Variants in BTBD8 observed in about 807,000 individuals in gnomAD.
BTBD8 encodes the protein BTB domain containing 8, also known as BTB/POZ domain-containing protein 8.
In BTBD8, 110 loss-of-function variants were observed where a neutral mutation model predicts 162.9. The ratio of observed to expected loss-of-function variants is 0.68; its 90% CI spans 0.58 to 0.79. The LOEUF (loss-of-function observed/expected upper bound fraction) is 0.79, where lower values mean the gene tolerates loss of function less well. Ranked by LOEUF, BTBD8 falls within the 30% of genes least tolerant of loss-of-function variation. BTBD8 has a pLI of 0.00. For synonymous variants in BTBD8, 667 were observed against 716.1 expected, an observed-to-expected ratio of 0.93 and a Z score of 1.10; for missense variants, 1,905 against 2,085.4, an observed-to-expected ratio of 0.91 and a Z score of 1.68.
In BTBD8 at chr1:92,180,917, T is replaced by A; in HGVS notation, c.3234T>A (p.Asp1078Glu). The A allele has an allele frequency of 1.3e-6, 2 of 1,551,666 alleles. No individual in the cohort carries two copies. Among genetic ancestry groups the A allele is most frequent in the Non-Finnish European group, 1.7e-6 (2 of 1,146,974 alleles). The change falls in exon 17 of 18, where the codon GAT becomes GAA. Residue 1078 changes from aspartate to glutamate, a missense_variant. Physicochemically the swap from Asp to Glu is conservative, Grantham distance 45. Around this residue, in one of 3 missense-constraint regions of BTBD8, gnomAD observed 1,374 missense variants for 1,442.7 expected, o/e 0.95. Coordinates refer to ENST00000636805, the MANE Select transcript of BTBD8 (RefSeq NM_001376131.1). ...TATGTTGTCATTCTGTTGGGAGTGATAATGTAAATTCAAAATTTTATAGCA... is the reference window on the plus strand; with the variant it reads ...TATGTTGTCATTCTGTTGGGAGTGAAAATGTAAATTCAAAATTTTATAGCA... Reference protein sequence around the residue: ...ANICCHSVGSDNVNSKFYSTT... With the variant: ...ANICCHSVGSENVNSKFYSTT...
chr1:92,154,826 A>G (rs1650122208), intron 9 of BTBD8, among the ~76,000 whole-genome samples: 1 of 152,122 alleles, frequency 6.6e-6, no homozygotes, highest in Non-Finnish European at 1.5e-5. Context: ...TCCTTTTGGT[A>G]TCATATCTGT....
chr1:92,164,810 C>T (rs1361183329), intron 9 of BTBD8, among the ~76,000 whole-genome samples: 1 of 150,866 alleles, frequency 6.6e-6, no homozygotes. Flanking sequence ...TACAGGTGCC[C>T]GCCACCACGC....
intron 2 of BTBD8, among the ~76,000 whole-genome samples, chr1:92,092,485 G>C (rs934539996): frequency 6.6e-6 from 1 of 152,052 alleles, no homozygotes; most frequent in Non-Finnish European, 1.5e-5. Context: ...TGAGGCGATG[G>C]TGTCTGGAAG....
intron 4 of BTBD8, among the ~76,000 whole-genome samples, chr1:92,120,576 C>T (rs958521325): frequency 6.6e-6 from 1 of 152,180 alleles, no homozygotes; most frequent in Non-Finnish European, 1.5e-5. Flanking sequence ...GACTTTTATA[C>T]AGCTGGCAGC....
At chr1:92,103,064 C>A (rs1013561750) in intron 3 of BTBD8, among the ~76,000 whole-genome samples, 6 of 151,938 alleles carry the variant, frequency 3.9e-5, no homozygotes, top group Non-Finnish European at 8.8e-5. Flanking sequence ...ATGAAAGAGA[C>A]CTGAAGTTTG....
chr1:92,184,186 A>G lies in BTBD8; in HGVS notation c.5235A>G (p.Ile1745Met). The change falls in exon 18 of 18, where the codon ATA becomes ATG. Residue 1745 changes from isoleucine to methionine, a missense_variant. Physicochemically the swap from Ile to Met is conservative, Grantham distance 10. This residue lies in a region of BTBD8 where 517 missense variants were observed against 606.6 expected (regional missense o/e 0.85). Transcript: ENST00000636805. ...LARDSSKPQG[I>M]THIDTLNRWS... Reference sequence around the variant, plus strand: ...GAGATAGCTCAAAACCTCAGGGTATAACACATATTGACACTTTGAACAGAT... The same window carrying G: ...GAGATAGCTCAAAACCTCAGGGTATGACACATATTGACACTTTGAACAGAT... 6.4e-7 allele frequency: 1 copy of G among 1,551,598 alleles called. No homozygotes were observed. Among genetic ancestry groups the G allele is most frequent in the Non-Finnish European group, 8.7e-7 (1 of 1,146,862 alleles).
chr1:92,152,974 AT>A (rs893571365), intron 9 of BTBD8, among the ~76,000 whole-genome samples: 6 of 152,212 alleles, frequency 3.9e-5, no homozygotes, highest in African/African-American at 1.4e-4. Context: ...TATAAGTAAA[AT>A]ATGTTTAGCT....
rs764861191 is a variant in BTBD8 at position 92,184,002 on chromosome 1, A to G, written c.5051A>G (p.Asp1684Gly). The G allele has an allele frequency of 2.6e-6, 4 of 1,551,604 alleles. 1 individual carries two copies. Among genetic ancestry groups the G allele is most frequent in the South Asian group, 2.4e-5 (2 of 84,060 alleles). ...GTGGAATCAGAAACACATGTTACAG[A>G]TATGGATTTTGAAGATGACCAACAT... ...QKVESETHVT[D>G]MDFEDDQHFA... Residue 1684 changes from aspartate to glycine, a missense_variant, in exon 18 of 18, where the codon GAT (aspartate) becomes GGT (glycine). By Grantham distance (94) the Asp-to-Gly change is moderately conservative. Coordinates refer to ENST00000636805, the MANE Select transcript of BTBD8 (RefSeq NM_001376131.1).
intron 4 of BTBD8, among the ~76,000 whole-genome samples, chr1:92,118,944 C>T (rs1649120185): frequency 6.6e-6 from 1 of 150,724 alleles, no homozygotes; most frequent in Non-Finnish European, 1.5e-5. Context: ...CTTTCTGGCA[C>T]TGAAAGATAT....
At position 92,182,507 on chromosome 1, in the gene BTBD8, C is replaced by T; in HGVS notation, c.4824C>T (p.Ser1608=). The T allele has an allele frequency of 6.5e-7, 1 of 1,549,082 alleles. No individual in the cohort carries two copies. The change falls in exon 17 of 18, where the codon TCC becomes TCT. Residue 1608 remains serine, a synonymous_variant. Coordinates refer to ENST00000636805, the MANE Select transcript of BTBD8 (RefSeq NM_001376131.1). The stretch of plus-strand genomic sequence containing the variant: ...ACAGCTCTACAAAATCTCTAGACTC[C>T]TTTCGGAGTCAAGTTCTGCCTCAGG... The part of the protein sequence containing the change: ...PKNSSTKSLD[S]FRSQVLPQEG...
intron 12 of BTBD8, among the ~76,000 whole-genome samples, chr1:92,171,122 T>C (rs937721091): frequency 3.3e-5 from 5 of 152,090 alleles, no homozygotes; most frequent in Non-Finnish European, 7.4e-5. Flanking sequence ...CATGTTTTTC[T>C]AAATGTATGA....
At chr1:92,151,314 A>G (rs1394930421) in intron 9 of BTBD8, among the ~76,000 whole-genome samples, 1 of 148,702 alleles carries the variant, frequency 6.7e-6, no homozygotes, top group African/African-American at 2.5e-5. Flanking sequence ...GGATTGTGCC[A>G]TTCCACCTCA....
intron 7 of BTBD8, among the ~76,000 whole-genome samples, chr1:92,146,862 G>A (rs902229815): frequency 6.6e-6 from 1 of 152,070 alleles, no homozygotes; most frequent in African/African-American, 2.4e-5. Context: ...TCTAGTAAAG[G>A]ACAACATGGT....
Position 92,181,360 on chromosome 1 carries a change from C to T in BTBD8, c.3677C>T (p.Thr1226Ile), listed in dbSNP as rs774228030. The change falls in exon 17 of 18, where the codon ACT (threonine) becomes ATT (isoleucine). Residue 1226 changes from threonine to isoleucine, a missense_variant. Around this residue, in one of 3 missense-constraint regions of BTBD8, gnomAD observed 1,374 missense variants for 1,442.7 expected, o/e 0.95. Transcript: ENST00000636805. Reference protein sequence around the residue: ...ETSESPESHETPETPFVGHWN... With the variant: ...ETSESPESHEIPETPFVGHWN... Reference sequence around the variant, plus strand: ...TCAGAATCTCCAGAGAGCCATGAAACTCCAGAAACTCCATTTGTGGGTCAC... The same window carrying T: ...TCAGAATCTCCAGAGAGCCATGAAATTCCAGAAACTCCATTTGTGGGTCAC... The T allele has an allele frequency of 9.7e-6, 15 of 1,551,678 alleles. No homozygotes were observed. The highest frequency in any genetic ancestry group is 4.8e-5 in the South Asian group (4 of 84,056).
rs773848554 is a variant in BTBD8, at chr1:92,092,598, A to G, written c.347+3703A>G. Among the ~76,000 whole-genome samples, 6 of 152,252 alleles carry G rather than the reference A, an allele frequency of 3.9e-5. No individual in the cohort carries two copies. The South Asian group carries it at 8.3e-4, about 21-fold the overall frequency. On this transcript the variant is annotated intron_variant, in intron 2 of 17. Transcript: ENST00000636805. ...TTCTGTTGTTTAAGCTACTCAGTCT[A>G]TGGTATTTCATTATGGCAGTGTAAG...
rs1648618082 is a variant in BTBD8, at chr1:92,102,617, G to A, written c.492G>A (p.Lys164=). 2 of 1,560,210 alleles carry A rather than the reference G, an allele frequency of 1.3e-6. No homozygotes were observed. Among genetic ancestry groups the A allele is most frequent in the Non-Finnish European group, 1.7e-6 (2 of 1,155,568 alleles). The change falls in exon 3 of 18, where the codon AAG becomes AAA. Residue 164 remains lysine, a synonymous_variant. Coordinates refer to ENST00000636805, the MANE Select transcript of BTBD8 (RefSeq NM_001376131.1). ...CENSSDCSLQ[K]HEIPEDISDR... ...ACTCATCTGATTGTTCTCTTCAGAA[G>A]CATGAAATTCCAGAGGATATCAGTG... is the stretch of plus-strand genomic sequence containing the variant.
At chr1:92,172,516 A>T (rs761939459) in intron 13 of BTBD8, among the ~76,000 whole-genome samples, 22 of 152,212 alleles carry the variant, frequency 1.4e-4, no homozygotes, top group Non-Finnish European at 3.1e-4. Flanking sequence ...TTGTCTTCCC[A>T]AAAATGTTAT....
chr1:92,122,464 G>T (rs777695756), intron 4 of BTBD8, among the ~76,000 whole-genome samples: 1 of 151,970 alleles, frequency 6.6e-6, no homozygotes, highest in Non-Finnish European at 1.5e-5. Context: ...TCACCATGTT[G>T]GCCAGGATGG....
intron 17 of BTBD8, 94 bp from the exon 18 acceptor site, chr1:92,183,770 T>TG: frequency 1.8e-6 from 1 of 563,992 alleles, no homozygotes; most frequent in African/African-American, 2.0e-5. Context: ...TTTTTTTTTT[T>TG]GACTATCACT....
Sources: allele counts gnomAD v4.1 joint callset (sites outside exome capture counted in the v4.1 genomes callset), GRCh38; gene constraint gnomAD v4.1.1; regional missense constraint gnomAD v4.1.1; transcripts MANE v1.5; gene names NCBI Gene and HGNC (gene_info 2026-07-23, HGNC 2026-07-21).